Variants in CCDC196 observed in about 807,000 individuals in gnomAD.
CCDC196 encodes coiled-coil domain-containing protein 196.
intron 2 of CCDC196, among the ~76,000 whole-genome samples, chr14:66,487,406 C>G (rs751628322): frequency 6.6e-6 from 1 of 152,082 alleles, no homozygotes; most frequent in East Asian, 1.9e-4. Flanking sequence ...GAGAACAAAA[C>G]GCAGGCAGAA....
At chr14:66,490,481 G>A (rs1319786624) in intron 4 of CCDC196, among the ~76,000 whole-genome samples, 1 of 152,214 alleles carries the variant, frequency 6.6e-6, no homozygotes, top group Non-Finnish European at 1.5e-5. Context: ...AGGAAAATAA[G>A]CAGAGTAATG....
At chr14:66,491,169 T>C (rs72724559) in intron 6 of CCDC196, 65 bp downstream of exon 6, 11,977 of 410,486 alleles carry the variant, frequency 0.029, 242 homozygotes, top group Middle Eastern at 0.045. Context: ...TTTAATGTTG[T>C]AGTAATTTGC....
intron 8 of CCDC196, chr14:66,493,984 G>A (rs1337211347): frequency 6.6e-6 from 1 of 152,170 alleles, no homozygotes; most frequent in Non-Finnish European, 1.5e-5. Context: ...ATCAAATTAA[G>A]TCTAAATTAG....
Position 66,486,419 on chromosome 14 carries a change from C to G in CCDC196, c.-84C>G. On this transcript the variant is annotated 5_prime_UTR_variant, in exon 1 of 10. Transcript: ENST00000636229. ...GCAGCAGGAGTTTCAAGAACAGCAG[C>G]ACAAAAATAATGACTTAACTGGATA... 1 of 398,730 alleles carries G rather than the reference C, an allele frequency of 2.5e-6. No homozygotes were observed. Among genetic ancestry groups the G allele is most frequent in the Non-Finnish European group, 4.4e-6 (1 of 225,746 alleles). The allele number at this position is 398,730 out of a possible 1,614,324, so 24.7% of individuals were successfully genotyped here. A position where few individuals can be genotyped will look rare whatever the true frequency, so the allele number is the denominator to read the frequency against.
intron 8 of CCDC196, 43 bp from the exon 9 acceptor site, chr14:66,498,065 TC>T (rs376085965): frequency 3.1e-3 from 1,218 of 391,016 alleles, no homozygotes; most frequent in Middle Eastern, 6.8e-3. Context: ...TTTTTTTTTT[TC>T]CCCCTCAAAA....
intron 4 of CCDC196, among the ~76,000 whole-genome samples, chr14:66,489,713 T>C (rs1375835097): frequency 1.3e-5 from 2 of 152,192 alleles, no homozygotes; most frequent in African/African-American, 4.8e-5. Context: ...TGGAACATAG[T>C]AGAGAATCAA....
Position 66,486,543 on chromosome 14 carries a change from C to G in CCDC196, c.41C>G (p.Ser14Ter). 2.4e-6 allele frequency: 1 copy of G among 413,096 alleles called. No individual in the cohort carries two copies. The highest frequency in any genetic ancestry group is 4.4e-6 in the Non-Finnish European group (1 of 226,068). 25.6% of individuals were successfully genotyped at this position (413,096 alleles called of 1,614,324 possible). ...AACTCTTCAGGATCTTACCTGCCCT[C>G]AGAAATAAGGTGAGTCTTTGATGGA... ...GANSSGSYLP[S>*]EIRSSKIDDN... The change falls in exon 1 of 10, where the codon TCA becomes TGA. Residue 14 changes from serine (S) to a stop codon, truncating the protein, a stop_gained. Transcript: ENST00000636229. LOFTEE classifies it high-confidence loss of function.
chr14:66,491,737 A>C (rs1257089017), intron 7 of CCDC196, 52 bp downstream of exon 7: 2 of 413,318 alleles, frequency 4.8e-6, no homozygotes, highest in Non-Finnish European at 8.8e-6. Flanking sequence ...TTCATATAAT[A>C]CAAAGGCTTT....
In CCDC196 at chr14:66,488,983, A is replaced by G. The variant is rs559949348; in HGVS notation, c.301-4A>G. ...TGTTTGTTTGGTTCTTCCCCCTCCA[A>G]CAGGAAAGGAAAAACAAGATGCTTC... is the stretch of plus-strand genomic sequence containing the variant. On this transcript the variant is annotated splice_polypyrimidine_tract_variant and splice_region_variant and intron_variant, in intron 3 of 9. Transcript: ENST00000636229. 36 of 413,268 alleles carry G rather than the reference A, an allele frequency of 8.7e-5. No homozygotes were observed. Among genetic ancestry groups the G allele is most frequent in the African/African-American group, 7.0e-4 (34 of 48,748 alleles). The allele number at this position is 413,268 out of a possible 1,614,324, so 25.6% of individuals were successfully genotyped here. A position where few individuals can be genotyped will look rare whatever the true frequency, so the allele number is the denominator to read the frequency against.
Position 66,491,676 on chromosome 14 carries a change from C to A in CCDC196, c.564C>A (p.Asn188Lys). The change falls in exon 7 of 10, where the codon AAC becomes AAA. Residue 188 changes from asparagine to lysine, a missense_variant. Physicochemically the swap from Asn to Lys is moderately conservative, Grantham distance 94. Transcript: ENST00000636229. ...GGGTCAAGTATCAGGAACAAAATAACATCCTTCAGGTACTAAGATCTTCCA... is the reference window on the plus strand; with the variant it reads ...GGGTCAAGTATCAGGAACAAAATAAAATCCTTCAGGTACTAAGATCTTCCA... ...MEWVKYQEQN[N>K]ILQNDFHGKV... is the part of the protein sequence containing the mutation. The A allele has an allele frequency of 4.8e-6, 2 of 413,888 alleles. No homozygotes were observed. Among genetic ancestry groups the A allele is most frequent in the Non-Finnish European group, 8.8e-6 (2 of 226,206 alleles). 25.6% of individuals were successfully genotyped at this position (413,888 alleles called of 1,614,324 possible). A position where few individuals can be genotyped will look rare whatever the true frequency, so the allele number is the denominator to read the frequency against.
rs1217613279 is a variant in CCDC196 at position 66,498,417 on chromosome 14, C to T, written c.839C>T (p.Thr280Ile). Residue 280 changes from threonine to isoleucine, a missense_variant, in exon 10 of 10, where the codon ACA becomes ATA. Transcript: ENST00000636229. The stretch of plus-strand genomic sequence containing the variant: ...ACTAAAGGAAGTCAGCTTGATAATA[C>T]AGGAGGGAGACTCTTTTTTCTGAGG... ...QGTKGSQLDN[T>I]GGRLFFLRSL... The T allele has an allele frequency of 2.4e-6, 1 of 413,364 alleles. No homozygotes were observed. The highest frequency in any genetic ancestry group is 4.4e-5 in the Admixed American group (1 of 22,720). The allele number at this position is 413,364 out of a possible 1,614,324, so 25.6% of individuals were successfully genotyped here. A position where few individuals can be genotyped will look rare whatever the true frequency, so the allele number is the denominator to read the frequency against.
chr14:66,494,262 A>G (rs1422505494), intron 8 of CCDC196, among the ~76,000 whole-genome samples: 1 of 152,208 alleles, frequency 6.6e-6, no homozygotes, highest in Non-Finnish European at 1.5e-5. Context: ...TTTCTAACAC[A>G]TGTATTCAAA....
Position 66,486,702 on chromosome 14 carries a change from C to T in CCDC196, c.96C>T (p.Asp32=). The T allele has an allele frequency of 2.4e-6, 1 of 413,400 alleles. No individual in the cohort carries two copies. Among genetic ancestry groups the T allele is most frequent in the Non-Finnish European group, 4.4e-6 (1 of 226,122 alleles). The allele number at this position is 413,400 out of a possible 1,614,324, so 25.6% of individuals were successfully genotyped here. The change falls in exon 2 of 10, where the codon GAC becomes GAT. Residue 32 remains aspartate, a synonymous_variant. Transcript: ENST00000636229. The part of the protein sequence containing the change: ...DDNYLKELNE[D]LKLRKQELLE... ...ACTACTTGAAGGAATTGAATGAGGA[C>T]TTAAAGCTAAGGAAGCAGGAACTGC... is the stretch of plus-strand genomic sequence containing the variant.
chr14:66,487,684 T>C (rs1419284783), intron 2 of CCDC196, among the ~76,000 whole-genome samples: 1 of 152,284 alleles, frequency 6.6e-6, no homozygotes, highest in East Asian at 1.9e-4. Flanking sequence ...TGAAAGGATA[T>C]CAGTGACTTC....
intron 8 of CCDC196, among the ~76,000 whole-genome samples, chr14:66,495,107 G>C (rs2057631988): frequency 6.6e-6 from 1 of 151,292 alleles, no homozygotes. Flanking sequence ...CATCAAGTTT[G>C]AAATAATTGA....
chr14:66,493,940 T>C (rs143347648), intron 8 of CCDC196: 1 of 152,312 alleles, frequency 6.6e-6, no homozygotes, highest in East Asian at 1.9e-4. Context: ...AAGGGATCTA[T>C]ATGGTAAAGA....
At chr14:66,492,703 T>G (rs1484243132) in intron 8 of CCDC196, 2 of 152,622 alleles carry the variant, frequency 1.3e-5, no homozygotes, top group African/African-American at 4.8e-5. Context: ...GGGAGAACTG[T>G]TTTCCTTTGT....
intron 8 of CCDC196, 141 bp downstream of exon 8, chr14:66,492,335 T>TTA: frequency 9.5e-6 from 3 of 317,220 alleles, no homozygotes; most frequent in African/African-American, 3.7e-5. Context: ...AATTTTTTCA[T>TTA]TATCTTTTTT....
At chr14:66,495,269 C>T (rs1182077284) in intron 8 of CCDC196, among the ~76,000 whole-genome samples, 2 of 152,142 alleles carry the variant, frequency 1.3e-5, no homozygotes. Context: ...GACTCAGATA[C>T]ATGAGTTGCA....
Sources: allele counts gnomAD v4.1 joint callset (sites outside exome capture counted in the v4.1 genomes callset), GRCh38; gene constraint gnomAD v4.1.1; transcripts MANE v1.5; gene names NCBI Gene and HGNC (gene_info 2026-07-23, HGNC 2026-07-21).